BMP7: variants seen among roughly 807,000 people sequenced by gnomAD.
The protein encoded by BMP7 is bone morphogenetic protein 7, also known as osteogenic protein 1.
In BMP7, 12 loss-of-function variants were observed where a neutral mutation model predicts 41.2. The ratio of observed to expected loss-of-function variants is 0.29; its 90% confidence interval spans 0.19 to 0.47. The LOEUF is 0.47. BMP7 is among the 20% of genes least tolerant of loss of function. The probability of loss-of-function intolerance (pLI) is 0.99; values close to 1 mark genes in which losing one functional copy is unlikely to be tolerated. For missense variants in BMP7, 467 were observed against 606.0 expected, an observed-to-expected ratio of 0.77 and a Z score of 2.41; for synonymous variants, 248 against 250.0, an observed-to-expected ratio of 0.99 and a Z score of 0.07.
chr20:57,183,739 C>T lies in BMP7; in HGVS notation c.941G>A (p.Arg314Gln), dbSNP rs765434399. 13 of 1,613,986 alleles carry T rather than the reference C, an allele frequency of 8.1e-6. No homozygotes were observed. In the East Asian group the frequency reaches 1.1e-4, roughly 14 times the overall value. The change falls in exon 4 of 7, where the codon CGG becomes CAG. Residue 314 changes from arginine to glutamine, a missense_variant. Physicochemically the swap from Arg to Gln is conservative, Grantham distance 43 (BLOSUM62 1). Transcript: ENST00000395863. ...SKTPKNQEALRMANVAENSSS... is the reference protein window; with the variant it reads ...SKTPKNQEALQMANVAENSSS... ...AAGCATACCTGCCACGTTGGCCATC[C>T]GCAGGGCTTCCTGGTTCTTGGGCGT...
In BMP7 at chr20:57,228,215, C is replaced by G. The variant is rs758994524; in HGVS notation, c.611+14G>C. ...AAACTCAGCACCTCTCCCAGATACCCGTATAGCACCCACCTGCCCAAGTGC... is the reference window on the plus strand; with the variant it reads ...AAACTCAGCACCTCTCCCAGATACCGGTATAGCACCCACCTGCCCAAGTGC... On this transcript the variant is annotated intron_variant, in intron 2 of 6. Coordinates refer to ENST00000395863, the MANE Select transcript of BMP7 (RefSeq NM_001719.3). This position sits in a 1 kb window ranked among gnomAD's most constrained non-coding sequence, Gnocchi z 4.5. The G allele has an allele frequency of 6.2e-7, 1 of 1,612,540 alleles. No homozygotes were observed.
At chr20:57,183,207 C>T (rs1279070215) in intron 4 of BMP7, among the ~76,000 whole-genome samples, 1 of 151,794 alleles carries the variant, frequency 6.6e-6, no homozygotes, top group East Asian at 1.9e-4. Context: ...TGCACTGCAG[C>T]CTGGGTGACA....
chr20:57,259,163 C>A lies in BMP7; in HGVS notation c.418+6542G>T, dbSNP rs2066144651. ...TTCCAATCTCCCTTGCCAAGTCACA[C>A]CCACTGCTGTCACCGAGAACTTCCG... On this transcript the variant is annotated intron_variant, in intron 1 of 6. Coordinates refer to ENST00000395863, the MANE Select transcript of BMP7 (RefSeq NM_001719.3). The surrounding 1 kb of genome is among the most constrained non-coding windows in gnomAD (Gnocchi z 4.7). Among the ~76,000 whole-genome samples, 1 of 152,158 alleles carries A rather than the reference C, an allele frequency of 6.6e-6. No homozygotes were observed. The highest frequency in any genetic ancestry group is 6.5e-5 in the Admixed American group (1 of 15,282).
At chr20:57,176,553 C>A (rs957782107) in intron 4 of BMP7, among the ~76,000 whole-genome samples, 2 of 152,114 alleles carry the variant, frequency 1.3e-5, no homozygotes, top group Non-Finnish European at 2.9e-5. Flanking sequence ...ACTCGTGAGT[C>A]AAGACCAGGT....
intron 4 of BMP7, among the ~76,000 whole-genome samples, chr20:57,182,455 G>A (rs1354428361): frequency 2.6e-5 from 4 of 152,270 alleles, no homozygotes; most frequent in African/African-American, 9.6e-5. Flanking sequence ...CCAGGCTCCT[G>A]TGGGGGCTCC....
chr20:57,202,637 G>A lies in BMP7; in HGVS notation c.612-14C>T, dbSNP rs1187842880. 3.7e-6 allele frequency: 6 copies of A among 1,608,686 alleles called. No individual in the cohort carries two copies. In the East Asian group the frequency reaches 8.9e-5, roughly 24 times the overall value. On this transcript the variant is annotated splice_polypyrimidine_tract_variant and intron_variant, in intron 2 of 6. Coordinates refer to ENST00000395863, the MANE Select transcript of BMP7 (RefSeq NM_001719.3). ...AGATCCGATTCCCTGCGAGAGAGGA[G>A]GAGAGACACGGGCTTCGCGTTAGCC...
At chr20:57,175,156 G>A (rs1196210798) in intron 4 of BMP7, 149 bp from the exon 5 acceptor site, 10 of 858,536 alleles carry the variant, frequency 1.2e-5, no homozygotes, top group Admixed American at 4.0e-5. Context: ...AAGCCAGTTC[G>A]AGGGTCTAAC....
Position 57,202,499 on chromosome 20 carries a change from G to A in BMP7, c.736C>T (p.Gln246Ter). The A allele has an allele frequency of 1.2e-6, 2 of 1,607,668 alleles. No homozygotes were observed. The highest frequency in any genetic ancestry group is 8.5e-7 in the Non-Finnish European group (1 of 1,179,862). The change falls in exon 3 of 7, where the codon CAG becomes TAG. Residue 246 changes from glutamine (Q) to a stop codon, truncating the protein, a stop_gained. Transcript: ENST00000395863. LOFTEE classifies it high-confidence loss of function. Reference protein sequence around the residue: ...VVNPRHNLGLQLSVETLDGQS... With the variant: ...VVNPRHNLGL ...CCATCCAGCGTCTCCACCGAGAGCT[G>A]CAGGCCCAGGTTGTGCCGCGGATTG...
chr20:57,191,983 A>T (rs2123076659), intron 3 of BMP7, among the ~76,000 whole-genome samples: 1 of 127,484 alleles, frequency 7.8e-6, no homozygotes, highest in East Asian at 2.1e-4. Context: ...TATATTATAT[A>T]ATTGTATATT....
chr20:57,264,745 G>A (rs1256605142), intron 1 of BMP7, among the ~76,000 whole-genome samples: 1 of 151,792 alleles, frequency 6.6e-6, no homozygotes, highest in South Asian at 2.1e-4. Context: ...TAGAAGACTA[G>A]CGGCAGGGCA....
chr20:57,211,100 G>A (rs1283089625), intron 2 of BMP7, among the ~76,000 whole-genome samples: 4 of 152,224 alleles, frequency 2.6e-5, no homozygotes, highest in South Asian at 2.1e-4. Flanking sequence ...GCTGGTGGCC[G>A]GGGGCCCTCA....
At chr20:57,242,920 T>C (rs1173859785) in intron 1 of BMP7, among the ~76,000 whole-genome samples, 1 of 152,076 alleles carries the variant, frequency 6.6e-6, no homozygotes, top group African/African-American at 2.4e-5. Context: ...CAAGAATCAC[T>C]TGAACCCAGG....
At chr20:57,255,725 C>G (rs1909637167) in intron 1 of BMP7, among the ~76,000 whole-genome samples, 1 of 133,872 alleles carries the variant, frequency 7.5e-6, no homozygotes, top group South Asian at 2.4e-4. Context: ...GCTTGAAGCC[C>G]AGAGGTGGAG....
At position 57,170,914 on chromosome 20, in the gene BMP7, G is replaced by A; in HGVS notation, c.*45C>T. On this transcript the variant is annotated 3_prime_UTR_variant, in exon 7 of 7. Coordinates refer to ENST00000395863, the MANE Select transcript of BMP7 (RefSeq NM_001719.3). Reference sequence around the variant, plus strand: ...TTCCTGGCCAAGGCGAGCAATGGAGGATCCAGAAAAACTTGGCCCCAAAGG... The same window carrying A: ...TTCCTGGCCAAGGCGAGCAATGGAGAATCCAGAAAAACTTGGCCCCAAAGG... The A allele has an allele frequency of 3.1e-6, 5 of 1,608,326 alleles. No individual in the cohort carries two copies. The highest frequency in any genetic ancestry group is 1.8e-4 in the Middle Eastern group (1 of 5,440).
chr20:57,182,274 G>A (rs1351906244), intron 4 of BMP7, among the ~76,000 whole-genome samples: 1 of 152,144 alleles, frequency 6.6e-6, no homozygotes, highest in Non-Finnish European at 1.5e-5. Context: ...GATGCCCACA[G>A]TGCCAGCAGG....
intron 4 of BMP7, among the ~76,000 whole-genome samples, chr20:57,177,277 C>T (rs1377707395): frequency 1.3e-5 from 2 of 152,138 alleles, no homozygotes; most frequent in Non-Finnish European, 2.9e-5. Context: ...GAACTGGCCT[C>T]CAAGGCTCAG....
At chr20:57,238,215 T>C (rs2066055053) in intron 1 of BMP7, among the ~76,000 whole-genome samples, 1 of 152,220 alleles carries the variant, frequency 6.6e-6, no homozygotes, top group African/African-American at 2.4e-5. Context: ...CACACAGTAT[T>C]TGTCCTTTTG....
intron 1 of BMP7, among the ~76,000 whole-genome samples, chr20:57,247,025 C>T (rs2066093167): frequency 6.6e-6 from 1 of 152,008 alleles, no homozygotes; most frequent in Non-Finnish European, 1.5e-5. Flanking sequence ...GTGCTTGGCA[C>T]ATAGTAAGCC....
intron 2 of BMP7, among the ~76,000 whole-genome samples, chr20:57,220,290 A>C (rs572459875): frequency 6.6e-6 from 1 of 152,350 alleles, no homozygotes; most frequent in South Asian, 2.1e-4. Flanking sequence ...TGTCTCCTTT[A>C]AAACATCATC....
Sources: allele counts gnomAD v4.1 joint callset (sites outside exome capture counted in the v4.1 genomes callset), GRCh38; gene constraint gnomAD v4.1.1; non-coding constraint Gnocchi (gnomAD v3.1); transcripts MANE v1.5; gene names NCBI Gene and HGNC (gene_info 2026-07-23, HGNC 2026-07-21).